The following BBS7 variants were observed in gnomAD, a reference collection of about 807,000 sequenced individuals.
The protein encoded by BBS7 is Bardet-Biedl syndrome 7.
Under a neutral mutation model 90.3 loss-of-function variants are expected in BBS7, and 50 were observed. That is an observed-to-expected ratio of 0.55 (90% CI 0.44 to 0.70). BBS7 has a LOEUF of 0.70. Ranked by LOEUF, BBS7 falls within the 30% of genes least tolerant of loss-of-function variation. The pLI is 0.00. For missense variants in BBS7, 729 were observed against 838.9 expected (o/e 0.87, Z 1.62); for synonymous variants, 235 against 287.4 (o/e 0.82, Z 1.85).
intron 18 of BBS7, among the ~76,000 whole-genome samples, chr4:121,826,275 T>C (rs964162133): frequency 2.0e-5 from 3 of 152,216 alleles, no homozygotes; most frequent in African/African-American, 7.2e-5. Flanking sequence ...GCTATCAGTA[T>C]ATATAACATC....
intron 12 of BBS7, among the ~76,000 whole-genome samples, chr4:121,842,476 A>T (rs1175687271): frequency 1.3e-5 from 2 of 151,072 alleles, no homozygotes; most frequent in Non-Finnish European, 2.9e-5. Flanking sequence ...CTCTACAAAA[A>T]ATTTAAAAAT....
rs371998824 is a variant in BBS7 at position 121,852,934 on chromosome 4, T to A, written c.849+22A>T. 1.3e-5 allele frequency: 21 copies of A among 1,610,154 alleles called. No homozygotes were observed. The African/African-American group carries it at 2.5e-4, about 19-fold the overall frequency. ...AATAATTTGACAAATAATAAGCATA[T>A]AGTCTTTTTTAATGAACTTACCTGA... On this transcript the variant is annotated intron_variant, in intron 8 of 18. Transcript: ENST00000264499.
intron 12 of BBS7, 58 bp from the exon 13 acceptor site, chr4:121,839,754 A>C: frequency 1.4e-6 from 2 of 1,416,468 alleles, no homozygotes; most frequent in Non-Finnish European, 2.0e-6. Context: ...CAACAAAAAA[A>C]AGACATCAAT....
intron 13 of BBS7, among the ~76,000 whole-genome samples, chr4:121,838,132 A>G (rs987307074): frequency 4.6e-5 from 7 of 151,994 alleles, no homozygotes; most frequent in Non-Finnish European, 7.4e-5. Flanking sequence ...CATTGCTTTT[A>G]ATCAATTTTT....
intron 15 of BBS7, among the ~76,000 whole-genome samples, chr4:121,829,325 T>C (rs1009536129): frequency 6.6e-6 from 1 of 151,840 alleles, no homozygotes; most frequent in African/African-American, 2.4e-5. Context: ...ACCTCCACTT[T>C]CTGGGTTCAA....
intron 12 of BBS7, among the ~76,000 whole-genome samples, chr4:121,843,238 T>C (rs1725832790): frequency 6.6e-6 from 1 of 152,100 alleles, no homozygotes; most frequent in Non-Finnish European, 1.5e-5. Context: ...ATCAGGAATA[T>C]TGAAAAGGTT....
intron 15 of BBS7, among the ~76,000 whole-genome samples, chr4:121,831,522 G>GA (rs1375327253): frequency 6.6e-6 from 1 of 151,294 alleles, no homozygotes; most frequent in East Asian, 1.9e-4. Context: ...TGAATCTTAA[G>GA]AAAAAATACT....
chr4:121,853,086 C>G lies in BBS7; in HGVS notation c.719G>C (p.Gly240Ala). Reference protein sequence around the residue: ...WEIQNEKKRGGILCIDSFDIV... With the variant: ...WEIQNEKKRGAILCIDSFDIV... Reference sequence around the variant, plus strand: ...GTCAAAGCTGTCAATACACAAAATACCTTTAAAAAGAGATATGTGATAAGT... The same window carrying G: ...GTCAAAGCTGTCAATACACAAAATAGCTTTAAAAAGAGATATGTGATAAGT... Residue 240 changes from glycine to alanine, a missense_variant and splice_region_variant, in exon 8 of 19, where the codon GGT becomes GCT. Transcript: ENST00000264499. 1 of 1,612,690 alleles carries G rather than the reference C, an allele frequency of 6.2e-7. No homozygotes were observed. The highest frequency in any genetic ancestry group is 8.5e-7 in the Non-Finnish European group (1 of 1,178,944).
chr4:121,833,289 A>G lies in BBS7; in HGVS notation c.1618T>C (p.Cys540Arg). ...GTGTTCTGAAAGTAAAATGTCACAC[A>G]TTCTCCTGCTGGAGGTTTTTCTGGA... Reference protein sequence around the residue: ...EVPEKPPAGECVTFYFQNTFL... With the variant: ...EVPEKPPAGERVTFYFQNTFL... Residue 540 changes from cysteine (C) to arginine (R), a missense_variant, in exon 15 of 19, where the codon TGT becomes CGT. Transcript: ENST00000264499. 6.2e-7 allele frequency: 1 copy of G among 1,614,028 alleles called. No individual in the cohort carries two copies. The highest frequency in any genetic ancestry group is 2.2e-5 in the East Asian group (1 of 44,848).
chr4:121,865,254 T>C (rs975006644), intron 2 of BBS7, among the ~76,000 whole-genome samples: 1 of 151,868 alleles, frequency 6.6e-6, no homozygotes, highest in Admixed American at 6.6e-5. Context: ...TTTTTTTTTT[T>C]TGAGACAGAG....
intron 4 of BBS7, among the ~76,000 whole-genome samples, chr4:121,861,078 G>A (rs184695270): frequency 1.2e-4 from 18 of 152,196 alleles, no homozygotes; most frequent in East Asian, 1.9e-4. Flanking sequence ...GCCATTTAGG[G>A]AGCTATATTT....
In BBS7 at chr4:121,833,372, G is replaced by A. The variant is rs1725290209; in HGVS notation, c.1535C>T (p.Thr512Ile). The A allele has an allele frequency of 1.2e-6, 2 of 1,614,002 alleles. No individual in the cohort carries two copies. The highest frequency in any genetic ancestry group is 1.7e-6 in the Non-Finnish European group (2 of 1,179,916). Residue 512 changes from threonine (T) to isoleucine (I), a missense_variant, in exon 15 of 19, where the codon ACA becomes ATA. Transcript: ENST00000264499. Reference protein sequence around the residue: ...HDRPMNTLTLTGQFSFAEVHS... With the variant: ...HDRPMNTLTLIGQFSFAEVHS... ...AACTTCAGCAAAACTGAACTGGCCTGTTAGGGTCAGTGTATTCATGGGTCT... is the reference window on the plus strand; with the variant it reads ...AACTTCAGCAAAACTGAACTGGCCTATTAGGGTCAGTGTATTCATGGGTCT...
Position 121,828,136 on chromosome 4 carries a change from G to T in BBS7, c.2014+10C>A. ...AAATATGGCAAGGTATTCTAGAATG[G>T]TCCACTAACCATAGAGTCTTTCAAG... On this transcript the variant is annotated intron_variant, in intron 18 of 18. Transcript: ENST00000264499. 6.2e-7 allele frequency: 1 copy of T among 1,613,628 alleles called. No individual in the cohort carries two copies. The highest frequency in any genetic ancestry group is 1.1e-5 in the South Asian group (1 of 91,026).
At position 121,868,000 on chromosome 4, in the gene BBS7, C is replaced by T; in HGVS notation, c.83G>A (p.Arg28Lys). The T allele has an allele frequency of 6.2e-7, 1 of 1,613,440 alleles. No homozygotes were observed. The highest frequency in any genetic ancestry group is 1.7e-5 in the Admixed American group (1 of 60,028). Residue 28 changes from arginine (R) to lysine (K), a missense_variant, in exon 2 of 19, where the codon AGA (arginine) becomes AAA (lysine). Coordinates refer to ENST00000264499, the MANE Select transcript of BBS7 (RefSeq NM_176824.3). ...CAGTACCTTTTGTGTAGCTCTGTGT[C>T]TTGAGGCAGGAATTAGCTTCATAGT... ...QKTMKLIPAS[R>K]HRATQKVVIG...
intron 3 of BBS7, among the ~76,000 whole-genome samples, chr4:121,862,260 T>C (rs1222914415): frequency 3.3e-5 from 5 of 152,180 alleles, no homozygotes; most frequent in Non-Finnish European, 1.5e-5. Context: ...TAATCATATA[T>C]CTATTTAACT....
In BBS7 at chr4:121,855,520, A is replaced by AG; in HGVS notation, c.569dup (p.Thr191TyrfsTer12). 4.3e-6 allele frequency: 7 copies of AG among 1,613,624 alleles called. No homozygotes were observed. The highest frequency in any genetic ancestry group is 5.9e-6 in the Non-Finnish European group (7 of 1,179,700). Reference sequence around the variant, plus strand: ...TTCCATTGTGTAGTGCTAAGACAGTAGGGGGTCCAGGAACTTCAACTGCAT... The same window carrying AG: ...TTCCATTGTGTAGTGCTAAGACAGTAGGGGGGTCCAGGAACTTCAACTGCAT... On this transcript the variant is annotated frameshift_variant, in exon 6 of 19. Coordinates refer to ENST00000264499, the MANE Select transcript of BBS7 (RefSeq NM_176824.3). LOFTEE classifies it high-confidence loss of function.
intron 5 of BBS7, among the ~76,000 whole-genome samples, 197 bp from the exon 6 acceptor site, chr4:121,855,758 AC>A (rs1726581573): frequency 6.6e-6 from 1 of 151,412 alleles, no homozygotes; most frequent in Non-Finnish European, 1.5e-5. Context: ...CAACATATAT[AC>A]ACATATATAC....
At chr4:121,863,618 T>C (rs978361315) in intron 2 of BBS7, among the ~76,000 whole-genome samples, 2 of 152,166 alleles carry the variant, frequency 1.3e-5, no homozygotes, top group African/African-American at 2.4e-5. Context: ...ACAACAGTTA[T>C]GGACAGAAAT....
In BBS7 at chr4:121,828,289, G is replaced by T; in HGVS notation, c.1891-20C>A. 6.2e-7 allele frequency: 1 copy of T among 1,607,196 alleles called. No homozygotes were observed. The highest frequency in any genetic ancestry group is 1.1e-5 in the South Asian group (1 of 90,882). ...TAATTCCTATTTAAAATGAAAAACA[G>T]AAGCACCTTAATATTCAAAATTCAA... On this transcript the variant is annotated intron_variant, in intron 17 of 18. Transcript: ENST00000264499.
Sources: gnomAD v4.1 joint callset for allele counts (sites outside exome capture counted in the v4.1 genomes callset) on GRCh38, gnomAD v4.1.1 for gene constraint, MANE v1.5 for transcripts, NCBI Gene and HGNC (gene_info 2026-07-23, HGNC 2026-07-21) for gene names.